CMC2: variants seen among roughly 807,000 people sequenced by gnomAD.
CMC2 encodes the protein C-X9-C motif containing 2, also known as COX assembly mitochondrial protein 2 homolog.
In CMC2, 5 loss-of-function variants were observed where a neutral mutation model predicts 7.5. The observed-to-expected ratio is 0.66, with a 90% CI of 0.35 to 1.40. The LOEUF is 1.40. Among genes scored for constraint, CMC2 ranks in the 40% most tolerant of loss-of-function variants. The pLI is 0.04. For missense variants in CMC2, 115 were observed against 92.3 expected (o/e 1.25, Z -1.01); for synonymous variants, 37 against 31.4 (o/e 1.18, Z -0.60).
At chr16:81,001,090 A>G (rs1968830544) in intron 1 of CMC2, among the ~76,000 whole-genome samples, 1 of 152,242 alleles carries the variant, frequency 6.6e-6, no homozygotes, top group Admixed American at 6.5e-5. Flanking sequence ...GAATTAACGC[A>G]GCAACAGAAA....
rs776858767 is a variant in CMC2 at position 80,974,859 on chromosome 16, C to G, written c.*1234G>C. Reference sequence around the variant, plus strand: ...TTCTGGTTCTTTCCCCATCCTTTCACTGAATGTCTGTTATGCTCTGTAATC... The same window carrying G: ...TTCTGGTTCTTTCCCCATCCTTTCAGTGAATGTCTGTTATGCTCTGTAATC... On this transcript the variant is annotated 3_prime_UTR_variant, in exon 4 of 4. Coordinates refer to ENST00000219400, the MANE Select transcript of CMC2 (RefSeq NM_020188.5). The G allele has an allele frequency of 2.0e-5, 3 of 152,360 alleles. No individual in the cohort carries two copies. The highest frequency in any genetic ancestry group is 2.9e-5 in the Non-Finnish European group (2 of 68,034). 9.4% of individuals were successfully genotyped at this position (152,360 alleles called of 1,614,324 possible).
intron 2 of CMC2, among the ~76,000 whole-genome samples, chr16:80,984,788 T>C (rs1384129046): frequency 1.3e-5 from 2 of 152,216 alleles, no homozygotes; most frequent in African/African-American, 4.8e-5. Context: ...CAAAAATCCA[T>C]GACAAAAACT....
At chr16:80,993,372 G>C (rs887059080) in intron 2 of CMC2, among the ~76,000 whole-genome samples, 1 of 152,146 alleles carries the variant, frequency 6.6e-6, no homozygotes, top group South Asian at 2.1e-4. Context: ...TAGTTTCACC[G>C]AGCAGAGGAG....
At chr16:81,004,594 T>A (rs1438615652) in intron 1 of CMC2, among the ~76,000 whole-genome samples, 1 of 152,216 alleles carries the variant, frequency 6.6e-6, no homozygotes, top group Non-Finnish European at 1.5e-5. Flanking sequence ...CCACTGAAAT[T>A]CCTTAAAATT....
At chr16:80,986,126 T>C (rs948324316) in intron 2 of CMC2, among the ~76,000 whole-genome samples, 1 of 152,136 alleles carries the variant, frequency 6.6e-6, no homozygotes. Context: ...GGCGGGCGGA[T>C]CACCTGAGGT....
chr16:80,980,969 C>T, intron 3 of CMC2: 1 of 485,102 alleles, frequency 2.1e-6, no homozygotes, highest in Non-Finnish European at 3.7e-6. Flanking sequence ...AGGTGAATGT[C>T]ACAATTTAAA....
At chr16:81,005,459 T>C (rs1430912124) in intron 1 of CMC2, among the ~76,000 whole-genome samples, 1 of 148,070 alleles carries the variant, frequency 6.8e-6, no homozygotes, top group Non-Finnish European at 1.5e-5. Context: ...ACATAAAACA[T>C]TTTTAAGGCC....
chr16:80,985,425 T>C (rs1967444628), intron 2 of CMC2, among the ~76,000 whole-genome samples: 1 of 152,214 alleles, frequency 6.6e-6, no homozygotes, highest in Admixed American at 6.5e-5. Flanking sequence ...ATGCAATTCT[T>C]TTCGCTTTTT....
chr16:80,981,890 A>G lies in CMC2; in HGVS notation c.82-13T>C. 1 of 1,569,762 alleles carries G rather than the reference A, an allele frequency of 6.4e-7. No homozygotes were observed. The highest frequency in any genetic ancestry group is 8.8e-7 in the Non-Finnish European group (1 of 1,142,066). On this transcript the variant is annotated splice_polypyrimidine_tract_variant and intron_variant, in intron 2 of 3. Transcript: ENST00000219400. ...TCAGAATGTTGTGCTAAAAGGAAGA[A>G]AAGGAGTAAAATATTTCATCCCATA... is the stretch of plus-strand genomic sequence containing the variant.
chr16:81,006,290 C>T (rs796731714), intron 1 of CMC2, among the ~76,000 whole-genome samples: 2 of 152,200 alleles, frequency 1.3e-5, no homozygotes, highest in East Asian at 1.9e-4. Context: ...CTTGCTTGAA[C>T]GGCCCCCGTT....
chr16:80,973,887 C>A lies in CMC2; in HGVS notation c.*2206G>T, dbSNP rs1310203360. 1 of 152,198 alleles carries A rather than the reference C, an allele frequency of 6.6e-6. No individual in the cohort carries two copies. The highest frequency in any genetic ancestry group is 1.5e-5 in the Non-Finnish European group (1 of 68,050). 9.4% of individuals were successfully genotyped at this position (152,198 alleles called of 1,614,324 possible). A position where few individuals can be genotyped will look rare whatever the true frequency, so the allele number is the denominator to read the frequency against. On this transcript the variant is annotated 3_prime_UTR_variant, in exon 4 of 4. Transcript: ENST00000219400. Reference sequence around the variant, plus strand: ...TTTGAATATCCCATAAAAACGTACTCATATATTACTTATAAAATTTTTAAG... The same window carrying A: ...TTTGAATATCCCATAAAAACGTACTAATATATTACTTATAAAATTTTTAAG...
rs149972420 is a variant in CMC2, at chr16:80,997,433, T to C, written c.-35-4A>G. 66 of 1,490,496 alleles carry C rather than the reference T, an allele frequency of 4.4e-5. 1 individual carries two copies. In the African/African-American group the frequency reaches 8.6e-4, roughly 19 times the overall value. 92.3% of individuals were successfully genotyped at this position (1,490,496 alleles called of 1,614,324 possible). On this transcript the variant is annotated splice_polypyrimidine_tract_variant and splice_region_variant and intron_variant, in intron 1 of 3. Coordinates refer to ENST00000219400, the MANE Select transcript of CMC2 (RefSeq NM_020188.5). ...GGATGGATCACAGCAGTGCAACCTG[T>C]GGATACAAGAGTGTCTTGAATATGC...
chr16:80,978,519 A>C, intron 3 of CMC2: 2 of 462,838 alleles, frequency 4.3e-6, no homozygotes, highest in Middle Eastern at 7.2e-4. Flanking sequence ...CAAACAAAAC[A>C]ATTAAGAGGG....
rs1348743315 is a variant in CMC2, at chr16:80,973,585, T to A, written c.*2508A>T. The A allele has an allele frequency of 6.6e-6, 1 of 152,204 alleles. No individual in the cohort carries two copies. Among genetic ancestry groups the A allele is most frequent in the African/African-American group, 2.4e-5 (1 of 41,466 alleles). The allele number at this position is 152,204 out of a possible 1,614,324, so 9.4% of individuals were successfully genotyped here. A position where few individuals can be genotyped will look rare whatever the true frequency, so the allele number is the denominator to read the frequency against. On this transcript the variant is annotated 3_prime_UTR_variant, in exon 4 of 4. Transcript: ENST00000219400. ...AAATCATAACCACTCCCTAAAACTT[T>A]CTAATGGTTTTCCATTATGCTCCAA...
chr16:80,997,143 T>C, intron 2 of CMC2, 171 bp downstream of exon 2: 1 of 606,454 alleles, frequency 1.6e-6, no homozygotes, highest in African/African-American at 1.9e-5. Context: ...AAGGAGGTAG[T>C]TTGTGTAAAA....
chr16:80,975,954 T>C lies in CMC2; in HGVS notation c.*139A>G. The stretch of plus-strand genomic sequence containing the variant: ...AAATACTCAGAATCCAGGGTTTTCA[T>C]ATTTCTCCATGGTTCAATCTCTCAC... On this transcript the variant is annotated 3_prime_UTR_variant, in exon 4 of 4. Transcript: ENST00000219400. 2 of 629,442 alleles carry C rather than the reference T, an allele frequency of 3.2e-6. No homozygotes were observed. Among genetic ancestry groups the C allele is most frequent in the Non-Finnish European group, 2.8e-6 (1 of 356,032 alleles). The allele number at this position is 629,442 out of a possible 1,614,324, so 39.0% of individuals were successfully genotyped here.
intron 1 of CMC2, among the ~76,000 whole-genome samples, chr16:80,999,905 T>G (rs1968731335): frequency 6.6e-6 from 1 of 152,156 alleles, no homozygotes; most frequent in South Asian, 2.1e-4. Context: ...TAACTCTAGA[T>G]AGATTACAGA....
chr16:80,968,950 T>A lies in CMC2; in HGVS notation c.*7143A>T, dbSNP rs943415597. The stretch of plus-strand genomic sequence containing the variant: ...AAGAATATCACATAAAGCCAGGAGA[T>A]GGTAATCCTCTAAGAAAACATTAAC... On this transcript the variant is annotated 3_prime_UTR_variant, in exon 4 of 4. Transcript: ENST00000219400. 1 of 152,218 alleles carries A rather than the reference T, an allele frequency of 6.6e-6. No individual in the cohort carries two copies. Among genetic ancestry groups the A allele is most frequent in the Non-Finnish European group, 1.5e-5 (1 of 68,040 alleles). The allele number at this position is 152,218 out of a possible 1,614,324, so 9.4% of individuals were successfully genotyped here.
intron 3 of CMC2, chr16:80,980,720 A>G: frequency 1.6e-6 from 1 of 639,816 alleles, no homozygotes; most frequent in African/African-American, 1.8e-5. Context: ...TGAGACTCTC[A>G]TCTCTACAAA....
Sources: allele counts gnomAD v4.1 joint callset (sites outside exome capture counted in the v4.1 genomes callset), GRCh38; gene constraint gnomAD v4.1.1; transcripts MANE v1.5; gene names NCBI Gene and HGNC (gene_info 2026-07-23, HGNC 2026-07-21).